The following COL6A5 variants were observed in gnomAD, a reference collection of about 807,000 sequenced individuals.
COL6A5 encodes collagen type VI alpha 5 chain.
COL6A5 carries 48 observed loss-of-function variants against 65.6 expected under a neutral mutation model. That is an observed-to-expected ratio of 0.73 (90% confidence interval 0.58 to 0.93). The LOEUF (loss-of-function observed/expected upper bound fraction) is 0.93, where lower values mean the gene tolerates loss of function less well. Ranked by LOEUF, COL6A5 falls within the 40% of genes least tolerant of loss-of-function variation. The probability of loss-of-function intolerance (pLI) is 0.00; values close to 1 mark genes in which losing one functional copy is unlikely to be tolerated. For synonymous variants in COL6A5, 291 were observed against 322.8 expected (o/e 0.90, Z 1.05); for missense variants, 914 against 928.3 (o/e 0.98, Z 0.20).
At chr3:130,431,389 T>C, upstream of COL6A5, 1 of 1,498,452 alleles carries the variant, frequency 6.7e-7, no homozygotes, top group South Asian at 1.2e-5. Flanking sequence ...TGAACCCACT[T>C]CATTGGAGTA....
chr3:130,414,108 G>A (rs1374355592), exon 22 of COL6A5: 3 of 1,550,794 alleles, frequency 1.9e-6, no homozygotes, highest in Non-Finnish European at 2.6e-6. Context: ...CACATTGGGA[G>A]CTGAAGGATT....
chr3:130,357,505 A>G (rs1934963593), intron 1 of COL6A5, among the ~76,000 whole-genome samples: 1 of 152,244 alleles, frequency 6.6e-6, no homozygotes, highest in East Asian at 1.9e-4. Context: ...GCTCACACAC[A>G]CAAAAATAAT....
In COL6A5 at chr3:130,421,366, G is replaced by A. The variant is rs1184293416; in HGVS notation, c.5037+6G>A. ...CTGGAGATGCGGGGCAGAAGGTATT[G>A]TATGCATGACCTTTTGAAATTACCA... On this transcript the variant is annotated splice_donor_region_variant and intron_variant and NMD_transcript_variant, in intron 27 of 41. Transcript: ENST00000312481. 7.1e-6 allele frequency: 11 copies of A among 1,550,574 alleles called. No individual in the cohort carries two copies. Among genetic ancestry groups the A allele is most frequent in the Admixed American group, 3.9e-5 (2 of 50,960 alleles).
intron 4 of COL6A5, among the ~76,000 whole-genome samples, chr3:130,451,753 G>A (rs1224495232): frequency 1.3e-5 from 2 of 152,128 alleles, no homozygotes; most frequent in Non-Finnish European, 2.9e-5. Context: ...TCAGGTAGGG[G>A]AGGAGTAGCC....
chr3:130,366,016 G>T (rs181600697), intron 1 of COL6A5, among the ~76,000 whole-genome samples: 3 of 152,286 alleles, frequency 2.0e-5, no homozygotes, highest in African/African-American at 7.2e-5. Flanking sequence ...CACGCAACCA[G>T]ACCCCATAAG....
intron 5 of COL6A5, among the ~76,000 whole-genome samples, chr3:130,465,940 T>C (rs1427044700): frequency 6.6e-6 from 1 of 151,904 alleles, no homozygotes; most frequent in Non-Finnish European, 1.5e-5. Flanking sequence ...CAAATTAGAT[T>C]TGGCAAAACA....
chr3:130,352,107 T>A (rs1170167001), intron 1 of COL6A5, among the ~76,000 whole-genome samples: 1 of 151,970 alleles, frequency 6.6e-6, no homozygotes, highest in Non-Finnish European at 1.5e-5. Context: ...AATTGAACAA[T>A]GAGAACACTT....
intron 9 of COL6A5, 51 bp downstream of exon 9, chr3:130,397,974 T>C: frequency 3.2e-6 from 5 of 1,544,580 alleles, no homozygotes; most frequent in Non-Finnish European, 4.4e-6. Flanking sequence ...CATTTGTTCT[T>C]CATTCCCCAA....
chr3:130,475,231 A>G (rs1299836845), intron 7 of COL6A5, among the ~76,000 whole-genome samples: 2 of 151,848 alleles, frequency 1.3e-5, no homozygotes, highest in Non-Finnish European at 2.9e-5. Context: ...TATTTTAGGA[A>G]ATAATGACCA....
chr3:130,403,722 C>A (rs1265747231), intron 13 of COL6A5, 60 bp downstream of exon 13: 9 of 1,148,702 alleles, frequency 7.8e-6, no homozygotes, highest in African/African-American at 3.1e-5. Flanking sequence ...CACACACACA[C>A]ACACACAAAC....
rs1415947787 is a variant in COL6A5 at position 130,367,289 on chromosome 3, G to C, written c.-28-6322G>C. Among the ~76,000 whole-genome samples, 5 of 152,300 alleles carry C rather than the reference G, an allele frequency of 3.3e-5. No homozygotes were observed. In the East Asian group the frequency reaches 9.6e-4, roughly 29 times the overall value. On this transcript the variant is annotated intron_variant and NMD_transcript_variant, in intron 1 of 41. Transcript: ENST00000312481. ...ACTTGAGAAACAGTTTCCTTCTGCG[G>C]ATGTGCTGTGTAATCCAGTTGTAGA...
intron 7 of COL6A5, 75 bp from the exon 40 acceptor site, chr3:130,471,607 T>C (rs965516609): frequency 7.6e-7 from 1 of 1,308,108 alleles, no homozygotes; most frequent in African/African-American, 1.5e-5. Flanking sequence ...TCTTATATTA[T>C]CTGGTGGTAT....
At chr3:130,394,115 A>AAGTC (rs1936504692) in intron 7 of COL6A5, among the ~76,000 whole-genome samples, 1 of 152,168 alleles carries the variant, frequency 6.6e-6, no homozygotes, top group African/African-American at 2.4e-5. Flanking sequence ...TGAGTATAGA[A>AAGTC]AGTCACCCTT....
chr3:130,437,572 G>A (rs1460521619), intron 1 of COL6A5, among the ~76,000 whole-genome samples: 1 of 152,016 alleles, frequency 6.6e-6, no homozygotes, highest in African/African-American at 2.4e-5. Flanking sequence ...TAAAGCTAAG[G>A]TCTTTACAAT....
intron 19 of COL6A5, 105 bp downstream of exon 19, chr3:130,410,179 C>A: frequency 3.5e-6 from 3 of 849,320 alleles, no homozygotes; most frequent in Admixed American, 2.7e-5. Flanking sequence ...GCTCTTAAGA[C>A]CACATTGAAA....
chr3:130,398,697 T>C (rs1936702980), intron 10 of COL6A5, among the ~76,000 whole-genome samples: 1 of 152,174 alleles, frequency 6.6e-6, no homozygotes, highest in Non-Finnish European at 1.5e-5. Flanking sequence ...GGTGTGGGGT[T>C]ACCATGCCCC....
Position 130,412,894 on chromosome 3 carries a change from G to T in COL6A5, c.4663-651G>T, listed in dbSNP as rs183971025. 3.4e-4 allele frequency among the ~76,000 whole-genome samples: 52 copies of T among 152,240 alleles called. 1 individual carries two copies. The highest frequency in any genetic ancestry group is 3.2e-3 in the Admixed American group (49 of 15,280). Reference sequence around the variant, plus strand: ...TCCATGGCTACATTTCTGAATAAATGAATGAAGAAATAGAATTTTCAAAAG... The same window carrying T: ...TCCATGGCTACATTTCTGAATAAATTAATGAAGAAATAGAATTTTCAAAAG... On this transcript the variant is annotated intron_variant and NMD_transcript_variant, in intron 20 of 41. Coordinates refer to the COL6A5 transcript ENST00000312481.
At chr3:130,391,624 A>G in exon 7 of COL6A5, 1 of 1,551,692 alleles carries the variant, frequency 6.4e-7, no homozygotes, top group Non-Finnish European at 8.7e-7. Flanking sequence ...TGGGTGTAGG[A>G]AAGGCCAACC....
Position 130,389,151 on chromosome 3 carries a change from T to G in COL6A5, c.2416+17T>G. On this transcript the variant is annotated intron_variant and NMD_transcript_variant, in intron 6 of 41. Coordinates refer to the COL6A5 transcript ENST00000312481. ...CTCTCCATGGTAAGTGTCCCTGTTA[T>G]CTGTCAGGACTAAAGGATGTGAGCT... 1 of 1,399,010 alleles carries G rather than the reference T, an allele frequency of 7.1e-7. No homozygotes were observed. The highest frequency in any genetic ancestry group is 9.4e-7 in the Non-Finnish European group (1 of 1,069,118). The allele number at this position is 1,399,010 out of a possible 1,614,324, so 86.7% of individuals were successfully genotyped here. A position where few individuals can be genotyped will look rare whatever the true frequency, so the allele number is the denominator to read the frequency against.
Sources: gnomAD v4.1 joint callset for allele counts (sites outside exome capture counted in the v4.1 genomes callset) on GRCh38, gnomAD v4.1.1 for gene constraint, MANE v1.5 for transcripts, NCBI Gene and HGNC (gene_info 2026-07-23, HGNC 2026-07-21) for gene names.